The following GRIN2B variants were observed in gnomAD, a reference collection of about 807,000 sequenced individuals.
GRIN2B encodes the protein glutamate ionotropic receptor NMDA type subunit 2B.
A neutral mutation model predicts 114.5 loss-of-function variants in GRIN2B; 5 were observed. The observed-to-expected ratio is 0.04, with a 90% CI of 0.02 to 0.09. The LOEUF is 0.09. GRIN2B is among the 10% of genes least tolerant of loss of function. The pLI is 1.00. For missense variants in GRIN2B, 1,108 were observed against 1,943.5 expected, an observed-to-expected ratio of 0.57 and a Z score of 8.08; for synonymous variants, 787 against 745.1, an observed-to-expected ratio of 1.06 and a Z score of -0.92.
intron 2 of GRIN2B, among the ~76,000 whole-genome samples, chr12:13,873,566 A>C (rs1410596170): frequency 1.3e-5 from 2 of 152,120 alleles, no homozygotes; most frequent in African/African-American, 4.8e-5. Context: ...TCCCTCTCAC[A>C]CTATTACCAT....
intron 3 of GRIN2B, among the ~76,000 whole-genome samples, chr12:13,797,666 T>C (rs573978525): frequency 6.6e-6 from 1 of 152,334 alleles, no homozygotes; most frequent in South Asian, 2.1e-4. Context: ...TAAAAGCTAT[T>C]AAATAAACAA....
intron 2 of GRIN2B, among the ~76,000 whole-genome samples, chr12:13,974,717 C>T (rs1862988960): frequency 6.6e-6 from 1 of 152,096 alleles, no homozygotes; most frequent in Non-Finnish European, 1.5e-5. Flanking sequence ...TACATGTCCA[C>T]ACCACTAGAT....
chr12:13,863,746 A>G (rs1865783851), intron 3 of GRIN2B, among the ~76,000 whole-genome samples: 3 of 152,216 alleles, frequency 2.0e-5, no homozygotes, highest in Admixed American at 2.0e-4. Flanking sequence ...GTGGATTTGT[A>G]AAAGGTACCA....
At chr12:13,748,635 C>A (rs575250798) in intron 4 of GRIN2B, among the ~76,000 whole-genome samples, 3 of 152,298 alleles carry the variant, frequency 2.0e-5, no homozygotes, top group South Asian at 4.2e-4. Context: ...ATAAGAAATT[C>A]TCCAGCCCTT....
At chr12:13,758,606 C>T (rs1478742219) in intron 3 of GRIN2B, among the ~76,000 whole-genome samples, 9 of 152,194 alleles carry the variant, frequency 5.9e-5, no homozygotes, top group Non-Finnish European at 8.8e-5. Flanking sequence ...TGTAAGCATT[C>T]AAACAAGAGC....
At chr12:13,929,502 C>T (rs1347170167) in intron 2 of GRIN2B, among the ~76,000 whole-genome samples, 3 of 152,158 alleles carry the variant, frequency 2.0e-5, no homozygotes, top group East Asian at 3.9e-4. Flanking sequence ...GCAGGTCTTA[C>T]GTTATGCTAA....
intron 4 of GRIN2B, among the ~76,000 whole-genome samples, chr12:13,685,456 A>G (rs1285136786): frequency 2.0e-5 from 3 of 152,222 alleles, no homozygotes; most frequent in Admixed American, 6.5e-5. Flanking sequence ...TGGTTGGCAG[A>G]GTTCTTCAAG....
At chr12:13,684,360 TC>T (rs138605597) in intron 4 of GRIN2B, among the ~76,000 whole-genome samples, 5,745 of 152,266 alleles carry the variant, frequency 0.038, 353 homozygotes, top group African/African-American at 0.13. Context: ...GTACCACACT[TC>T]CTTAGGGAAC....
In GRIN2B at chr12:13,904,520, T is replaced by C. The variant is rs371533439; in HGVS notation, c.-18-38294A>G. On this transcript the variant is annotated intron_variant, in intron 2 of 13. Transcript: ENST00000609686. ...TCACTATTAGTCATCTTTATCTTTT[T>C]GCAAATGGCTAATAATCATTTAGTT... Among the ~76,000 whole-genome samples the C allele has an allele frequency of 1.0e-3, 156 of 152,266 alleles. 3 individuals carry two copies. In the South Asian group the frequency reaches 0.026, roughly 25 times the overall value.
chr12:13,586,623 G>C (rs1454753501), intron 10 of GRIN2B, among the ~76,000 whole-genome samples: 3 of 152,138 alleles, frequency 2.0e-5, no homozygotes, highest in Non-Finnish European at 2.9e-5. Context: ...TATAATTTAA[G>C]ATCCGACAAG....
intron 2 of GRIN2B, among the ~76,000 whole-genome samples, chr12:13,949,121 C>G (rs1260894080): frequency 6.6e-6 from 1 of 152,090 alleles, no homozygotes; most frequent in Non-Finnish European, 1.5e-5. Context: ...TTGCTTCAAC[C>G]CTAAGAGTGC....
chr12:13,595,204 G>C (rs1949056905), intron 10 of GRIN2B, among the ~76,000 whole-genome samples: 1 of 152,158 alleles, frequency 6.6e-6, no homozygotes, highest in Admixed American at 6.5e-5. Flanking sequence ...TGAATGAATG[G>C]CTGAATGGTA....
At chr12:13,848,677 C>T (rs1865507509) in intron 3 of GRIN2B, among the ~76,000 whole-genome samples, 2 of 152,162 alleles carry the variant, frequency 1.3e-5, no homozygotes, top group Non-Finnish European at 2.9e-5. Context: ...ATGCTTCCTC[C>T]CACAGACAAA....
intron 5 of GRIN2B, among the ~76,000 whole-genome samples, chr12:13,628,301 C>A (rs1455794317): frequency 6.6e-6 from 1 of 152,134 alleles, no homozygotes; most frequent in Non-Finnish European, 1.5e-5. Context: ...CAGGTTGTTG[C>A]AGAAGACCCC....
Position 13,563,648 on chromosome 12 carries a change from C to G in GRIN2B, c.3590G>C (p.Trp1197Ser). ...CTCCACGTTGGTCAGGTTCTTCTCC[C>G]AAGGTGCAGGTACCCCGCTGACCAC... ...HGVVSGVPAP[W>S]EKNLTNVEWE... is the part of the protein sequence containing the mutation. The change falls in exon 14 of 14, where the codon TGG becomes TCG. Residue 1197 changes from tryptophan (W) to serine (S), a missense_variant. This residue lies in a region of GRIN2B where 478 missense variants were observed against 506.0 expected (regional missense o/e 0.94). Transcript: ENST00000609686. 6.2e-7 allele frequency: 1 copy of G among 1,613,830 alleles called. No homozygotes were observed. The highest frequency in any genetic ancestry group is 8.5e-7 in the Non-Finnish European group (1 of 1,180,028).
intron 3 of GRIN2B, among the ~76,000 whole-genome samples, chr12:13,848,924 T>G (rs763941767): frequency 2.0e-4 from 31 of 152,308 alleles, no homozygotes; most frequent in Non-Finnish European, 8.8e-5. Context: ...AGAACTGAAA[T>G]GACACCAGTA....
intron 2 of GRIN2B, among the ~76,000 whole-genome samples, chr12:13,910,389 C>A (rs1866609689): frequency 6.6e-6 from 1 of 152,178 alleles, no homozygotes; most frequent in Admixed American, 6.5e-5. Flanking sequence ...TGGACCCACA[C>A]TTGCCTGATG....
intron 10 of GRIN2B, among the ~76,000 whole-genome samples, chr12:13,582,254 T>C (rs1373067217): frequency 6.6e-6 from 1 of 152,186 alleles, no homozygotes; most frequent in Non-Finnish European, 1.5e-5. Context: ...AAATAATTAT[T>C]GTTATATTTC....
At chr12:13,725,611 T>G (rs1036136229) in intron 4 of GRIN2B, among the ~76,000 whole-genome samples, 1 of 152,142 alleles carries the variant, frequency 6.6e-6, no homozygotes, top group African/African-American at 2.4e-5. Flanking sequence ...CTCTTTACAC[T>G]TCTGCCTTCT....
Sources: allele counts gnomAD v4.1 joint callset (sites outside exome capture counted in the v4.1 genomes callset), GRCh38; gene constraint gnomAD v4.1.1; regional missense constraint gnomAD v4.1.1; transcripts MANE v1.5; gene names NCBI Gene and HGNC (gene_info 2026-07-23, HGNC 2026-07-21).